ZNF236: variants seen among roughly 807,000 people sequenced by gnomAD.
The protein encoded by ZNF236 is zinc finger protein 236.
A neutral mutation model predicts 191.2 loss-of-function variants in ZNF236; 50 were observed. The ratio of observed to expected loss-of-function variants is 0.26; its 90% CI spans 0.21 to 0.33. The LOEUF (loss-of-function observed/expected upper bound fraction) is 0.33, where lower values mean the gene tolerates loss of function less well. Ranked by LOEUF, ZNF236 falls within the 10% of genes least tolerant of loss-of-function variation. The probability of loss-of-function intolerance (pLI) is 1.00; values close to 1 mark genes in which losing one functional copy is unlikely to be tolerated. For synonymous variants in ZNF236, 907 were observed against 928.8 expected (o/e 0.98, Z 0.43); for missense variants, 1,754 against 2,374.5 (o/e 0.74, Z 5.43).
At chr18:76,966,770 T>C (rs552609454) in intron 30 of ZNF236, among the ~76,000 whole-genome samples, 1 of 152,206 alleles carries the variant, frequency 6.6e-6, no homozygotes, top group African/African-American at 2.4e-5. Flanking sequence ...CTACTGCTTG[T>C]CTGTCCCTTG....
In ZNF236 at chr18:76,971,498, A is replaced by G. The variant is rs1968908332; in HGVS notation, c.*3159A>G. Among the ~76,000 whole-genome samples the G allele has an allele frequency of 6.6e-6, 1 of 152,240 alleles. No homozygotes were observed. The highest frequency in any genetic ancestry group is 6.5e-5 in the Admixed American group (1 of 15,290). ...TAACTAGGGGATGTTTCCTTCGTGCATATTTTCTACTCCCCTGTTGTAATA... is the reference window on the plus strand; with the variant it reads ...TAACTAGGGGATGTTTCCTTCGTGCGTATTTTCTACTCCCCTGTTGTAATA... On this transcript the variant is annotated 3_prime_UTR_variant, in exon 31 of 31. Transcript: ENST00000320610.
At chr18:76,944,671 A>G (rs1049891681) in intron 26 of ZNF236, among the ~76,000 whole-genome samples, 3 of 152,190 alleles carry the variant, frequency 2.0e-5, no homozygotes, top group Non-Finnish European at 2.9e-5. Context: ...AATCCCAGCT[A>G]CTTGGGAGTC....
At chr18:76,904,019 C>A (rs1326606344) in intron 11 of ZNF236, among the ~76,000 whole-genome samples, 1 of 148,822 alleles carries the variant, frequency 6.7e-6, no homozygotes, top group East Asian at 2.0e-4. Context: ...TCAACAAATG[C>A]CCATATAGAA....
chr18:76,893,600 T>C (rs547653909), intron 9 of ZNF236, among the ~76,000 whole-genome samples: 2 of 152,346 alleles, frequency 1.3e-5, no homozygotes, highest in Non-Finnish European at 2.9e-5. Context: ...TCCTATGTCC[T>C]GGGCTCAAGC....
intron 27 of ZNF236, among the ~76,000 whole-genome samples, chr18:76,952,202 A>G (rs1968426335): frequency 6.6e-6 from 1 of 152,244 alleles, no homozygotes; most frequent in Non-Finnish European, 1.5e-5. Context: ...TTCAATTTGT[A>G]AAAACGACAG....
intron 25 of ZNF236, among the ~76,000 whole-genome samples, chr18:76,929,916 A>C (rs898995241): frequency 7.2e-5 from 11 of 152,346 alleles, no homozygotes; most frequent in African/African-American, 2.4e-4. Flanking sequence ...AGAATGCACA[A>C]ATCACTTCAG....
chr18:76,921,821 A>G (rs887474152), intron 20 of ZNF236, among the ~76,000 whole-genome samples: 1 of 134,610 alleles, frequency 7.4e-6, no homozygotes. Context: ...GGCTCAGTGC[A>G]AACTCCGAGA....
Position 76,968,236 on chromosome 18 carries a change from G to A in ZNF236, c.5441G>A (p.Gly1814Asp), listed in dbSNP as rs1265304650. ...ACAGGAGCTCTGCAGGAGTCTGCAG[G>A]TCACCCGGAGCAGGACGGGGAGGAG... is the stretch of plus-strand genomic sequence containing the variant. ...SYAGALQESAGHPEQDGEELS... is the reference protein window; with the variant it reads ...SYAGALQESADHPEQDGEELS... Residue 1814 changes from glycine to aspartate, a missense_variant, in exon 31 of 31, where the codon GGT becomes GAT. Around this residue, in one of 5 missense-constraint regions of ZNF236, gnomAD observed 606 missense variants for 761.5 expected, o/e 0.80. Coordinates refer to ENST00000320610, the MANE Select transcript of ZNF236 (RefSeq NM_001306089.2). 6.2e-7 allele frequency: 1 copy of A among 1,613,802 alleles called. No individual in the cohort carries two copies. The highest frequency in any genetic ancestry group is 8.5e-7 in the Non-Finnish European group (1 of 1,179,888).
chr18:76,953,102 C>T (rs1968447361), intron 27 of ZNF236, among the ~76,000 whole-genome samples: 1 of 152,184 alleles, frequency 6.6e-6, no homozygotes, highest in African/African-American at 2.4e-5. Context: ...GATGTGTACT[C>T]ACAATGGAAA....
At chr18:76,901,731 C>G (rs1036579618) in intron 11 of ZNF236, among the ~76,000 whole-genome samples, 3 of 151,892 alleles carry the variant, frequency 2.0e-5, no homozygotes, top group African/African-American at 7.3e-5. Flanking sequence ...GGACTCCAGC[C>G]TGGGGAACAA....
intron 26 of ZNF236, among the ~76,000 whole-genome samples, chr18:76,943,780 G>T (rs771888792): frequency 6.6e-6 from 1 of 152,270 alleles, no homozygotes; most frequent in South Asian, 2.1e-4. Flanking sequence ...TCTTAATTTT[G>T]TGCCTTTCTT....
rs55890914 is a variant in ZNF236 at position 76,916,802 on chromosome 18, T to G, written c.3274+943T>G. Reference sequence around the variant, plus strand: ...CTGTCCTGGCACAGTTGGTGCGCAGTGTTGTCAGTGAATTTTGTGTCAGTG... The same window carrying G: ...CTGTCCTGGCACAGTTGGTGCGCAGGGTTGTCAGTGAATTTTGTGTCAGTG... On this transcript the variant is annotated intron_variant, in intron 19 of 30. Transcript: ENST00000320610. Among the ~76,000 whole-genome samples, 79 of 152,276 alleles carry G rather than the reference T, an allele frequency of 5.2e-4. 1 individual carries two copies. The highest frequency in any genetic ancestry group is 1.8e-3 in the African/African-American group (76 of 41,564).
intron 1 of ZNF236, among the ~76,000 whole-genome samples, chr18:76,848,151 G>T (rs1307989741): frequency 6.6e-6 from 1 of 152,120 alleles, no homozygotes; most frequent in Non-Finnish European, 1.5e-5. Flanking sequence ...GAGACTTTTG[G>T]CAGAAATGGG....
chr18:76,858,052 G>A (rs945092783), intron 3 of ZNF236, among the ~76,000 whole-genome samples: 22 of 151,930 alleles, frequency 1.4e-4, no homozygotes, highest in Admixed American at 6.5e-5. Context: ...GTAGGAAAGC[G>A]ATGCATTTGT....
At chr18:76,893,622 C>T (rs1977313326) in intron 9 of ZNF236, among the ~76,000 whole-genome samples, 2 of 152,308 alleles carry the variant, frequency 1.3e-5, no homozygotes, top group South Asian at 2.1e-4. Flanking sequence ...ATCCTTCTAC[C>T]TCAGCCTCCT....
chr18:76,832,430 G>T (rs1179812385), intron 1 of ZNF236, among the ~76,000 whole-genome samples: 1 of 151,534 alleles, frequency 6.6e-6, no homozygotes, highest in Admixed American at 6.6e-5. Context: ...ATTTGAAGAG[G>T]GAAAGGTCAG....
At chr18:76,898,878 C>A in intron 10 of ZNF236, 141 bp from the exon 11 acceptor site, 1 of 707,198 alleles carries the variant, frequency 1.4e-6, no homozygotes, top group Non-Finnish European at 2.3e-6. Flanking sequence ...AAATAATTTA[C>A]AATATCCATT....
chr18:76,875,525 A>G lies in ZNF236; in HGVS notation c.701A>G (p.Lys234Arg). The change falls in exon 6 of 31, where the codon AAG becomes AGG. Residue 234 changes from lysine to arginine, a missense_variant. This residue lies in a region of ZNF236 where 336 missense variants were observed against 495.1 expected (regional missense o/e 0.68). Coordinates refer to ENST00000320610, the MANE Select transcript of ZNF236 (RefSeq NM_001306089.2). This position sits in a 1 kb window ranked among gnomAD's most constrained non-coding sequence, Gnocchi z 4.3. The stretch of plus-strand genomic sequence containing the variant: ...CCGTTCAAATGTAGTGAATGTGGAA[A>G]GGCTTTTAACCAGAAGGGGGCACTG... ...ERPFKCSECG[K>R]AFNQKGALQT... is the part of the protein sequence containing the mutation. The G allele has an allele frequency of 1.3e-6, 2 of 1,560,210 alleles. No individual in the cohort carries two copies. Among genetic ancestry groups the G allele is most frequent in the South Asian group, 2.4e-5 (2 of 83,930 alleles).
chr18:76,851,125 C>A, intron 2 of ZNF236, among the ~76,000 whole-genome samples: 1 of 146,400 alleles, frequency 6.8e-6, no homozygotes, highest in Admixed American at 6.9e-5. Flanking sequence ...ATTGAGAATA[C>A]ATTATTAGAA....
Sources: gnomAD v4.1 joint callset for allele counts (sites outside exome capture counted in the v4.1 genomes callset) on GRCh38, gnomAD v4.1.1 for gene constraint, gnomAD v4.1.1 regional missense constraint, Gnocchi (gnomAD v3.1) non-coding constraint, MANE v1.5 for transcripts, NCBI Gene and HGNC (gene_info 2026-07-23, HGNC 2026-07-21) for gene names.